Variants in ST8SIA5 observed in about 807,000 individuals in gnomAD.
ST8SIA5 encodes ST8 alpha-N-acetyl-neuraminide alpha-2,8-sialyltransferase 5.
ST8SIA5 carries 24 observed loss-of-function variants against 40.2 expected under a neutral mutation model. The ratio of observed to expected loss-of-function variants is 0.60; its 90% CI spans 0.43 to 0.84. ST8SIA5 has a LOEUF of 0.84. Among genes scored for constraint, ST8SIA5 ranks in the 40% least tolerant of loss-of-function variants. ST8SIA5 has a pLI of 0.00. For missense variants in ST8SIA5, 465 were observed against 498.5 expected (o/e 0.93, Z 0.64); for synonymous variants, 198 against 201.8 (o/e 0.98, Z 0.16).
chr18:46,670,623 G>A lies in ST8SIA5; in HGVS notation c.*9419C>T, dbSNP rs892405939. The A allele has an allele frequency of 6.6e-6, 1 of 152,122 alleles. No individual in the cohort carries two copies. The highest frequency in any genetic ancestry group is 2.4e-5 in the African/African-American group (1 of 41,414). 9.4% of individuals were successfully genotyped at this position (152,122 alleles called of 1,614,324 possible). On this transcript the variant is annotated 3_prime_UTR_variant, in exon 7 of 7. Coordinates refer to ENST00000315087, the MANE Select transcript of ST8SIA5 (RefSeq NM_013305.6). Reference sequence around the variant, plus strand: ...TGCTTTTGTATTCTTTATTGAGACAGGGTTTTGCCATGTTGCCCAGGTTGG... The same window carrying A: ...TGCTTTTGTATTCTTTATTGAGACAAGGTTTTGCCATGTTGCCCAGGTTGG...
chr18:46,704,265 T>C (rs935976867), intron 2 of ST8SIA5, among the ~76,000 whole-genome samples: 2 of 152,214 alleles, frequency 1.3e-5, no homozygotes, highest in Non-Finnish European at 2.9e-5. Flanking sequence ...CTTCAATTTC[T>C]ACACAAGAGG....
At chr18:46,753,614 C>T (rs1247127606) in intron 1 of ST8SIA5, among the ~76,000 whole-genome samples, 1 of 151,958 alleles carries the variant, frequency 6.6e-6, no homozygotes, top group African/African-American at 2.4e-5. Context: ...AAGAGCAAAT[C>T]CCCACTGCAT....
Position 46,756,367 on chromosome 18 carries a change from G to T in ST8SIA5, c.131+11C>A, listed in dbSNP as rs770981722. 4 of 1,610,970 alleles carry T rather than the reference G, an allele frequency of 2.5e-6. No homozygotes were observed. The South Asian group carries it at 4.4e-5, about 18-fold the overall frequency. On this transcript the variant is annotated intron_variant, in intron 1 of 6. Coordinates refer to ENST00000315087, the MANE Select transcript of ST8SIA5 (RefSeq NM_013305.6). ...CTCCGCGCATCCCGCCCTCTCAATG[G>T]ACTTTCTTACCTCTTAATGTAGTTC...
At chr18:46,745,524 T>C (rs1036092685) in intron 1 of ST8SIA5, among the ~76,000 whole-genome samples, 1 of 152,176 alleles carries the variant, frequency 6.6e-6, no homozygotes, top group African/African-American at 2.4e-5. Context: ...CAGGAAGAAG[T>C]TGAATCTCTG....
intron 1 of ST8SIA5, among the ~76,000 whole-genome samples, chr18:46,714,341 C>T (rs939399183): frequency 1.3e-5 from 2 of 152,202 alleles, no homozygotes; most frequent in Non-Finnish European, 2.9e-5. Flanking sequence ...CTTTTCTTTC[C>T]TTCTTTCCCA....
At chr18:46,709,910 A>C (rs2039706028) in intron 1 of ST8SIA5, among the ~76,000 whole-genome samples, 1 of 152,158 alleles carries the variant, frequency 6.6e-6, no homozygotes, top group African/African-American at 2.4e-5. Flanking sequence ...ACCTTCTTCT[A>C]ACTATCTCAA....
rs752844475 is a variant in ST8SIA5, at chr18:46,680,078, G to A, written c.1095C>T (p.Ile365=). Residue 365 remains isoleucine, a synonymous_variant, in exon 7 of 7, where the codon ATC becomes ATT. Coordinates refer to ENST00000315087, the MANE Select transcript of ST8SIA5 (RefSeq NM_013305.6). ...TGCAGGTGCCCGTGTGCACGCGGAG[G>A]ATGCCTCGGCTGTGCAAGTGCAGGA... The part of the protein sequence containing the change: ...FNFLHLHSRG[I]LRVHTGTCSC... 6.2e-6 allele frequency: 10 copies of A among 1,613,022 alleles called. No homozygotes were observed. In the African/African-American group the frequency reaches 1.1e-4, roughly 17 times the overall value.
intron 1 of ST8SIA5, among the ~76,000 whole-genome samples, chr18:46,726,001 A>ATATATC (rs2039923029): frequency 2.7e-5 from 2 of 73,770 alleles, no homozygotes; most frequent in Non-Finnish European, 5.1e-5. Context: ...ATATATATAT[A>ATATATC]TATATATATC....
At chr18:46,722,036 A>G (rs114858982) in intron 1 of ST8SIA5, among the ~76,000 whole-genome samples, 2,701 of 152,312 alleles carry the variant, frequency 0.018, 81 homozygotes, top group African/African-American at 0.061. Flanking sequence ...AGGGGCCAGC[A>G]ATAACATGCT....
intron 1 of ST8SIA5, among the ~76,000 whole-genome samples, chr18:46,752,007 G>A (rs536221827): frequency 6.6e-6 from 1 of 152,160 alleles, no homozygotes; most frequent in East Asian, 1.9e-4. Context: ...CATCCTCACA[G>A]GGTCCCTACT....
chr18:46,748,420 C>T (rs1445773997), intron 1 of ST8SIA5, among the ~76,000 whole-genome samples: 1 of 151,326 alleles, frequency 6.6e-6, no homozygotes, highest in African/African-American at 2.4e-5. Flanking sequence ...AAAAATTAGC[C>T]AGGCATGATG....
chr18:46,695,963 C>T (rs1228538536), intron 2 of ST8SIA5, among the ~76,000 whole-genome samples: 1 of 152,148 alleles, frequency 6.6e-6, no homozygotes, highest in Non-Finnish European at 1.5e-5. Context: ...ATATATAATG[C>T]CTTGCCAGGA....
intron 1 of ST8SIA5, among the ~76,000 whole-genome samples, chr18:46,728,466 A>G (rs2039953796): frequency 6.6e-6 from 1 of 152,190 alleles, no homozygotes; most frequent in African/African-American, 2.4e-5. Flanking sequence ...CAGATGCTGG[A>G]ATCTCCAGGG....
chr18:46,681,181 T>C (rs754457605), intron 6 of ST8SIA5, among the ~76,000 whole-genome samples: 1 of 152,120 alleles, frequency 6.6e-6, no homozygotes. Context: ...ACTAGCTATG[T>C]TGCCTAATTT....
intron 1 of ST8SIA5, among the ~76,000 whole-genome samples, chr18:46,726,438 T>C (rs1362444198): frequency 6.6e-6 from 1 of 152,004 alleles, no homozygotes; most frequent in Non-Finnish European, 1.5e-5. Context: ...AGTGCTTAAA[T>C]GGAGTGCTGT....
At chr18:46,742,090 C>T (rs997911182) in intron 1 of ST8SIA5, among the ~76,000 whole-genome samples, 26 of 150,436 alleles carry the variant, frequency 1.7e-4, no homozygotes, top group East Asian at 7.8e-4. Flanking sequence ...GCCAGAGCGA[C>T]GCTCCATGTA....
At chr18:46,737,447 G>A (rs12455528) in intron 1 of ST8SIA5, among the ~76,000 whole-genome samples, 11,802 of 152,184 alleles carry the variant, frequency 0.078, 803 homozygotes, top group East Asian at 0.31. Flanking sequence ...CTCCCCCAGC[G>A]CAAAGCTGAG....
intron 6 of ST8SIA5, among the ~76,000 whole-genome samples, chr18:46,680,954 G>A (rs893964335): frequency 6.6e-6 from 1 of 152,008 alleles, no homozygotes; most frequent in Non-Finnish European, 1.5e-5. Context: ...TGCAGCCTCC[G>A]TTTCTCTCTC....
intron 1 of ST8SIA5, among the ~76,000 whole-genome samples, chr18:46,746,284 T>C (rs903221353): frequency 1.3e-5 from 2 of 152,112 alleles, no homozygotes; most frequent in African/African-American, 2.4e-5. Flanking sequence ...ATTGTCCCGG[T>C]TTGCAGATGA....
Sources: allele counts gnomAD v4.1 joint callset (sites outside exome capture counted in the v4.1 genomes callset), GRCh38; gene constraint gnomAD v4.1.1; transcripts MANE v1.5; gene names NCBI Gene and HGNC (gene_info 2026-07-23, HGNC 2026-07-21).